Variants in FAM169A observed in about 807,000 individuals in gnomAD.
FAM169A encodes the protein soluble lamin-associated protein of 75 kDa.
A neutral mutation model predicts 75.7 loss-of-function variants in FAM169A; 24 were observed. The observed-to-expected ratio is 0.32, with a 90% CI of 0.23 to 0.45. The LOEUF (loss-of-function observed/expected upper bound fraction) is 0.45. Ranked by LOEUF, FAM169A falls within the 20% of genes least tolerant of loss-of-function variation. The pLI, the probability that FAM169A is intolerant of heterozygous loss-of-function variation, is 1.00. For missense variants in FAM169A, 673 were observed against 784.0 expected, an observed-to-expected ratio of 0.86 and a Z score of 1.69; for synonymous variants, 271 against 271.0, an observed-to-expected ratio of 1.00 and a Z score of 0.00.
chr5:74,859,131 T>C (rs1233156449), intron 1 of FAM169A, among the ~76,000 whole-genome samples: 5 of 150,774 alleles, frequency 3.3e-5, no homozygotes, highest in Non-Finnish European at 4.4e-5. Flanking sequence ...GGAGAATTGC[T>C]TGAACCCGGG....
At chr5:74,818,451 T>G (rs997023830) in intron 5 of FAM169A, among the ~76,000 whole-genome samples, 1 of 152,154 alleles carries the variant, frequency 6.6e-6, no homozygotes, top group African/African-American at 2.4e-5. Flanking sequence ...TGGTGATAGC[T>G]GTATAAATAT....
chr5:74,857,572 G>GAAAA (rs35476827), intron 1 of FAM169A, among the ~76,000 whole-genome samples: 59 of 56,298 alleles, frequency 1.0e-3, no homozygotes, highest in South Asian at 4.7e-3. Context: ...CTTGCCGCGG[G>GAAAA]AAAAAAAAAA....
At chr5:74,835,558 C>T (rs1430420441) in intron 4 of FAM169A, among the ~76,000 whole-genome samples, 2 of 144,408 alleles carry the variant, frequency 1.4e-5, no homozygotes, top group South Asian at 2.2e-4. Context: ...GCTGTGACTG[C>T]ACCACCGCAC....
chr5:74,817,010 G>C (rs72764669), intron 5 of FAM169A, among the ~76,000 whole-genome samples: 22,316 of 151,948 alleles, frequency 0.15, 1,882 homozygotes, highest in African/African-American at 0.23. Flanking sequence ...AAAAGCATTT[G>C]ACAAAACCCA....
chr5:74,842,040 C>G (rs551192901), intron 1 of FAM169A, among the ~76,000 whole-genome samples: 1 of 150,822 alleles, frequency 6.6e-6, no homozygotes, highest in Non-Finnish European at 1.5e-5. Context: ...TAAAAGGACA[C>G]GAGAACTTGT....
chr5:74,787,575 A>AC (rs755418785), intron 11 of FAM169A, among the ~76,000 whole-genome samples: 1 of 152,212 alleles, frequency 6.6e-6, no homozygotes, highest in East Asian at 1.9e-4. Context: ...TCTGTATGCC[A>AC]AATCTAACAG....
intron 5 of FAM169A, among the ~76,000 whole-genome samples, chr5:74,819,325 G>A (rs1161624323): frequency 1.3e-5 from 2 of 152,160 alleles, no homozygotes; most frequent in Non-Finnish European, 2.9e-5. Flanking sequence ...TAGCCACCAG[G>A]AAAATGCAAA....
intron 5 of FAM169A, among the ~76,000 whole-genome samples, chr5:74,825,616 T>C (rs1490370081): frequency 6.6e-6 from 1 of 152,266 alleles, no homozygotes; most frequent in Middle Eastern, 3.4e-3. Flanking sequence ...AAAAGGTAAA[T>C]TGTTTTAAGA....
intron 1 of FAM169A, among the ~76,000 whole-genome samples, chr5:74,862,817 A>G (rs1750106973): frequency 6.6e-6 from 1 of 152,188 alleles, no homozygotes; most frequent in African/African-American, 2.4e-5. Flanking sequence ...ATTTTCAAAA[A>G]TCTTTGTACA....
intron 5 of FAM169A, among the ~76,000 whole-genome samples, chr5:74,823,233 A>C (rs1053260879): frequency 2.0e-5 from 3 of 152,210 alleles, no homozygotes; most frequent in African/African-American, 4.8e-5. Flanking sequence ...CCTACTTGTT[A>C]GTCCCACCAC....
intron 4 of FAM169A, among the ~76,000 whole-genome samples, chr5:74,838,291 A>G (rs534176310): frequency 3.9e-5 from 6 of 152,168 alleles, no homozygotes; most frequent in African/African-American, 1.4e-4. Context: ...TATTTCTCCA[A>G]TATTATTATA....
chr5:74,794,815 G>C (rs1461753738), intron 11 of FAM169A, among the ~76,000 whole-genome samples: 1 of 151,568 alleles, frequency 6.6e-6, no homozygotes, highest in South Asian at 2.1e-4. Flanking sequence ...AAATTAGCCG[G>C]GCGTGTTGGT....
At chr5:74,797,951 G>A (rs1561293909) in intron 10 of FAM169A, among the ~76,000 whole-genome samples, 1 of 152,174 alleles carries the variant, frequency 6.6e-6, no homozygotes, top group Non-Finnish European at 1.5e-5. Context: ...GAGCATGGGT[G>A]TCTTACAAAA....
chr5:74,790,869 TACAC>T (rs1288010275), intron 11 of FAM169A, among the ~76,000 whole-genome samples: 3 of 152,196 alleles, frequency 2.0e-5, no homozygotes, highest in African/African-American at 7.2e-5. Context: ...GCAGGTTGAT[TACAC>T]TGGACCTCTT....
At chr5:74,829,834 G>A (rs1561312067) in intron 5 of FAM169A, among the ~76,000 whole-genome samples, 4 of 152,002 alleles carry the variant, frequency 2.6e-5, no homozygotes, top group Admixed American at 1.3e-4. Context: ...TTAGCCGGGC[G>A]TAATGGCACG....
chr5:74,834,861 A>C (rs542154243), intron 4 of FAM169A, among the ~76,000 whole-genome samples: 4 of 152,138 alleles, frequency 2.6e-5, no homozygotes, highest in Non-Finnish European at 4.4e-5. Context: ...CAGGTCCCCA[A>C]TGTACCAATC....
At chr5:74,799,763 C>A (rs550742040) in intron 10 of FAM169A, 112 of 1,123,004 alleles carry the variant, frequency 1.0e-4, no homozygotes, top group South Asian at 5.3e-4. Context: ...CTGTCTCAGA[C>A]AACAGCGCCG....
At chr5:74,808,501 G>T (rs1747005098) in intron 6 of FAM169A, among the ~76,000 whole-genome samples, 1 of 152,134 alleles carries the variant, frequency 6.6e-6, no homozygotes, top group African/African-American at 2.4e-5. Flanking sequence ...GGAGTTAATT[G>T]TTTAATGGGG....
At chr5:74,822,596 T>C (rs544002504) in intron 5 of FAM169A, among the ~76,000 whole-genome samples, 16 of 152,296 alleles carry the variant, frequency 1.1e-4, no homozygotes, top group Non-Finnish European at 1.9e-4. Flanking sequence ...TTCAGTGTCA[T>C]TTCCTCATAC....
Sources: gnomAD v4.1 joint callset for allele counts (sites outside exome capture counted in the v4.1 genomes callset) on GRCh38, gnomAD v4.1.1 for gene constraint, MANE v1.5 for transcripts, NCBI Gene and HGNC (gene_info 2026-07-23, HGNC 2026-07-21) for gene names.